The following NSD1 variants were observed in gnomAD, a reference collection of about 807,000 sequenced individuals.
NSD1 encodes the protein histone-lysine N-methyltransferase, H3 lysine-36 specific.
NSD1 carries 26 observed loss-of-function variants against 242.7 expected under a neutral mutation model. The observed-to-expected ratio is 0.11, with a 90% CI of 0.08 to 0.15. The LOEUF (loss-of-function observed/expected upper bound fraction) is 0.15, where lower values mean the gene tolerates loss of function less well. NSD1 is among the 10% of genes least tolerant of loss of function. The pLI, the probability that NSD1 is intolerant of heterozygous loss-of-function variation, is 1.00. For synonymous variants in NSD1, 1,106 were observed against 1,178.1 expected (o/e 0.94, Z 1.25); for missense variants, 2,495 against 3,272.8 (o/e 0.76, Z 5.80).
At chr5:177,194,904 A>G (rs1196344954) in intron 3 of NSD1, among the ~76,000 whole-genome samples, 1 of 151,818 alleles carries the variant, frequency 6.6e-6, no homozygotes, top group African/African-American at 2.4e-5. Context: ...CACACCTGTA[A>G]TTCCAGCACT....
chr5:177,159,681 C>G (rs1000114112), intron 2 of NSD1, among the ~76,000 whole-genome samples: 1 of 151,230 alleles, frequency 6.6e-6, no homozygotes, highest in Non-Finnish European at 1.5e-5. Flanking sequence ...CCGCAACCTC[C>G]GCCTCCCACG....
At chr5:177,282,714 T>TG in intron 19 of NSD1, 133 bp downstream of exon 19, 1 of 785,678 alleles carries the variant, frequency 1.3e-6, no homozygotes, top group South Asian at 1.4e-5. Context: ...ATTGCTGGAT[T>TG]GGGGTTCTGG....
rs760426933 is a variant in NSD1 at position 177,238,247 on chromosome 5, G to T, written c.3932G>T (p.Arg1311Leu). 2 of 1,614,014 alleles carry T rather than the reference G, an allele frequency of 1.2e-6. No individual in the cohort carries two copies. Among genetic ancestry groups the T allele is most frequent in the Non-Finnish European group, 1.7e-6 (2 of 1,180,000 alleles). Residue 1311 changes from arginine to leucine, a missense_variant, in exon 7 of 23, where the codon CGC becomes CTC. Around this residue, in one of 19 missense-constraint regions of NSD1, gnomAD observed 100 missense variants for 190.7 expected, o/e 0.52. Coordinates refer to ENST00000439151, the MANE Select transcript of NSD1 (RefSeq NM_022455.5). The surrounding 1 kb of genome is among the most constrained non-coding windows in gnomAD (Gnocchi z 4.6). ...VQEQVHKVSSRCEEESLLARG... is the reference protein window; with the variant it reads ...VQEQVHKVSSLCEEESLLARG... ...ATTTTTTGTTCTTAGGTAAGTTCCC[G>T]CTGTGAAGAGGAAAGCCTTCTAGCC... is the stretch of plus-strand genomic sequence containing the variant.
chr5:177,280,966 C>A, intron 18 of NSD1, 132 bp downstream of exon 18: 2 of 1,015,284 alleles, frequency 2.0e-6, no homozygotes, highest in Non-Finnish European at 2.9e-6. Flanking sequence ...TTGTGTCTTG[C>A]CATATCCTTC....
In NSD1 at chr5:177,235,783, C is replaced by A. The variant is rs751351755; in HGVS notation, c.3797-38C>A. ...ATAAAAACAGTGGGTTTTCCTGAAG[C>A]TTTTTGATTAATGTTGAATTTGTTT... On this transcript the variant is annotated intron_variant, in intron 5 of 22. Transcript: ENST00000439151. 4 of 1,613,532 alleles carry A rather than the reference C, an allele frequency of 2.5e-6. No individual in the cohort carries two copies. The South Asian group carries it at 3.3e-5, about 13-fold the overall frequency.
intron 2 of NSD1, among the ~76,000 whole-genome samples, chr5:177,139,438 C>G (rs1227719277): frequency 6.8e-6 from 1 of 146,570 alleles, no homozygotes; most frequent in South Asian, 2.2e-4. Flanking sequence ...GAGGGAGACT[C>G]CATCTCAAAA....
chr5:177,260,032 C>T lies in NSD1; in HGVS notation c.5010C>T (p.Ala1670=), dbSNP rs1351246894. ...TCCGCTGTCCTGTGGCATACCACGC[C>T]AATGACTTTTGCCTGGCTGCTGGGT... The part of the protein sequence containing the change: ...RCVRCPVAYH[A]NDFCLAAGSK... The change falls in exon 14 of 23, where the codon GCC becomes GCT. Residue 1670 remains alanine (A), a synonymous_variant. Coordinates refer to ENST00000439151, the MANE Select transcript of NSD1 (RefSeq NM_022455.5). The T allele has an allele frequency of 8.7e-6, 14 of 1,614,050 alleles. No homozygotes were observed. The Admixed American group carries it at 2.3e-4, about 27-fold the overall frequency.
intron 2 of NSD1, among the ~76,000 whole-genome samples, chr5:177,149,262 A>G (rs1757508834): frequency 6.6e-6 from 1 of 151,406 alleles, no homozygotes; most frequent in Non-Finnish European, 1.5e-5. Flanking sequence ...CTTGTTGCCC[A>G]GACTGGAGTG....
intron 2 of NSD1, among the ~76,000 whole-genome samples, chr5:177,175,022 C>A (rs371125754): frequency 9.7e-4 from 147 of 152,028 alleles, no homozygotes; most frequent in Middle Eastern, 3.4e-3. Flanking sequence ...CAGGCACCCG[C>A]CACCACGCCC....
intron 18 of NSD1, among the ~76,000 whole-genome samples, chr5:177,281,646 T>C (rs1352022995): frequency 6.6e-6 from 1 of 152,108 alleles, no homozygotes; most frequent in African/African-American, 2.4e-5. Flanking sequence ...TCTGATGATA[T>C]TATATTTTAT....
chr5:177,266,213 A>T (rs963546869), intron 14 of NSD1: 1 of 915,040 alleles, frequency 1.1e-6, no homozygotes, highest in South Asian at 1.3e-5. Context: ...CCACTTGCTG[A>T]TGATGATGTT....
intron 16 of NSD1, 54 bp from the exon 17 acceptor site, chr5:177,273,618 A>G (rs1309230804): frequency 3.0e-6 from 4 of 1,336,000 alleles, no homozygotes; most frequent in Admixed American, 3.4e-5. Flanking sequence ...AAGTGAATAA[A>G]TAAGTAATTC....
At chr5:177,216,679 T>G (rs1046603672) in intron 5 of NSD1, among the ~76,000 whole-genome samples, 4 of 151,416 alleles carry the variant, frequency 2.6e-5, no homozygotes, top group Non-Finnish European at 4.4e-5. Flanking sequence ...TGTTTTTTTT[T>G]TTTTTTTTTT....
At position 177,293,542 on chromosome 5, in the gene NSD1, CT is replaced by C. The variant is rs565213549; in HGVS notation, c.6464-289del. 0.037 allele frequency among the ~76,000 whole-genome samples: 5,527 copies of C among 147,534 alleles called. 109 individuals are homozygous for C. Among genetic ancestry groups the C allele is most frequent in the African/African-American group, 0.083 (3,273 of 39,410 alleles). ...TTGTTGTCCCCACCCCCGCCCCCCCCTCACCTCCTTGCTGGAAATAGTCATA... is the reference window on the plus strand; with the variant it reads ...TTGTTGTCCCCACCCCCGCCCCCCCCCACCTCCTTGCTGGAAATAGTCATA... On this transcript the variant is annotated intron_variant, in intron 22 of 22. Transcript: ENST00000439151.
At chr5:177,268,974 A>C (rs961555605) in intron 15 of NSD1, among the ~76,000 whole-genome samples, 3 of 152,190 alleles carry the variant, frequency 2.0e-5, no homozygotes, top group African/African-American at 7.2e-5. Context: ...ACTTATATAC[A>C]AGTATATATT....
rs1457964040 is a variant in NSD1 at position 177,279,609 on chromosome 5, A to ATTTTTT, written c.5623-956_5623-955insTTTTTT. Among the ~76,000 whole-genome samples, 24 of 107,780 alleles carry ATTTTTT rather than the reference A, an allele frequency of 2.2e-4. 2 individuals are homozygous for ATTTTTT. The highest frequency in any genetic ancestry group is 8.4e-4 in the African/African-American group (22 of 26,054). The allele number at this position is 107,780 out of a possible 152,430, so 70.7% of individuals were successfully genotyped here. On this transcript the variant is annotated intron_variant, in intron 17 of 22. Transcript: ENST00000439151. ...GTTCACCTGGCTTATCAGCTTTGAA[A>ATTTTTT]ATTTTTTTTTTTTTTTTTTTTTTTT...
intron 2 of NSD1, among the ~76,000 whole-genome samples, chr5:177,160,759 G>A (rs1270701452): frequency 1.3e-5 from 2 of 151,946 alleles, no homozygotes; most frequent in Admixed American, 6.6e-5. Context: ...TATGTCCCAG[G>A]CACTGGTAAG....
chr5:177,221,040 G>A (rs932477196), intron 5 of NSD1: 2 of 455,144 alleles, frequency 4.4e-6, no homozygotes, highest in Non-Finnish European at 8.8e-6. Context: ...ATTTTGTGTG[G>A]TTTTTCATTT....
intron 16 of NSD1, among the ~76,000 whole-genome samples, chr5:177,272,634 A>G (rs752316997): frequency 2.6e-5 from 4 of 152,198 alleles, no homozygotes; most frequent in Non-Finnish European, 5.9e-5. Flanking sequence ...TCATGCATGT[A>G]ATCCTAACAC....
Sources: gnomAD v4.1 joint callset for allele counts (sites outside exome capture counted in the v4.1 genomes callset) on GRCh38, gnomAD v4.1.1 for gene constraint, gnomAD v4.1.1 regional missense constraint, Gnocchi (gnomAD v3.1) non-coding constraint, MANE v1.5 for transcripts, NCBI Gene and HGNC (gene_info 2026-07-23, HGNC 2026-07-21) for gene names.